POU2F2: variants seen among roughly 807,000 people sequenced by gnomAD.
POU2F2 encodes the protein POU domain, class 2, transcription factor 2.
In POU2F2, 14 loss-of-function variants were observed where a neutral mutation model predicts 63.5. The ratio of observed to expected loss-of-function variants is 0.22; its 90% CI spans 0.15 to 0.34. The LOEUF is 0.34. Ranked by LOEUF, POU2F2 falls within the 10% of genes least tolerant of loss-of-function variation. The probability of loss-of-function intolerance (pLI) is 1.00; values close to 1 mark genes in which losing one functional copy is unlikely to be tolerated. For synonymous variants in POU2F2, 306 were observed against 348.6 expected (o/e 0.88, Z 1.36); for missense variants, 607 against 815.2 (o/e 0.74, Z 3.11).
intron 1 of POU2F2, among the ~76,000 whole-genome samples, chr19:42,189,679 G>A (rs575966763): frequency 5.9e-5 from 9 of 152,184 alleles, no homozygotes; most frequent in Non-Finnish European, 8.8e-5. Context: ...GGACAAGCAC[G>A]AGGGGAGCAT....
chr19:42,160,893 G>A (rs1031803470), intron 1 of POU2F2, among the ~76,000 whole-genome samples: 2 of 152,202 alleles, frequency 1.3e-5, no homozygotes, highest in Non-Finnish European at 2.9e-5. Context: ...TATGTGCTCT[G>A]GGGAGATTAA....
chr19:42,118,977 A>G (rs759106973), intron 4 of POU2F2, among the ~76,000 whole-genome samples: 10 of 152,198 alleles, frequency 6.6e-5, no homozygotes, highest in Admixed American at 1.3e-4. Flanking sequence ...ATTATGGAAT[A>G]TAAGTATTAG....
At chr19:42,141,390 G>A (rs1346642998) in intron 2 of POU2F2, among the ~76,000 whole-genome samples, 1 of 152,086 alleles carries the variant, frequency 6.6e-6, no homozygotes, top group Admixed American at 6.5e-5. Flanking sequence ...GTGACCCTGG[G>A]CAGGTGACTT....
rs367902868 is a variant in POU2F2, at chr19:42,174,534, CAT to C, written c.-70+1427_-70+1428del. ...AAATATGCACTGACTCCCTTCTGCA[CAT>C]ATGTCACCCATGATGGGGACCCCCA... is the stretch of plus-strand genomic sequence containing the variant. On this transcript the variant is annotated intron_variant, in intron 1 of 6. Coordinates refer to the POU2F2 transcript ENST00000524801. Among the ~76,000 whole-genome samples the C allele has an allele frequency of 3.6e-3, 545 of 152,278 alleles. 4 individuals are homozygous for C. The highest frequency in any genetic ancestry group is 6.8e-3 in the Middle Eastern group (2 of 294).
intron 2 of POU2F2, among the ~76,000 whole-genome samples, chr19:42,158,753 G>A (rs1033983293): frequency 6.6e-6 from 1 of 152,160 alleles, no homozygotes; most frequent in Non-Finnish European, 1.5e-5. Flanking sequence ...AGACCTAACA[G>A]TGACCTCTAC....
rs574291119 is a variant in POU2F2, at chr19:42,149,938, G to A, written c.-9+10394C>T. On this transcript the variant is annotated intron_variant, in intron 2 of 6. Transcript: ENST00000524801. The stretch of plus-strand genomic sequence containing the variant: ...ACCCAGCTGCCTCCCAAAGAAAAGG[G>A]CCAAGTTCAGTGTGGAAGGGGCAGA... 3.9e-5 allele frequency among the ~76,000 whole-genome samples: 6 copies of A among 152,276 alleles called. No homozygotes were observed. The East Asian group carries it at 1.2e-3, about 29-fold the overall frequency.
At chr19:42,130,209 A>G (rs2033587076) in intron 1 of POU2F2, among the ~76,000 whole-genome samples, 1 of 152,126 alleles carries the variant, frequency 6.6e-6, no homozygotes, top group East Asian at 1.9e-4. Context: ...AGACATGTGT[A>G]CGCACACATG....
intron 1 of POU2F2, among the ~76,000 whole-genome samples, chr19:42,170,429 A>C (rs1599709771): frequency 1.5e-5 from 2 of 132,780 alleles, no homozygotes; most frequent in Admixed American, 7.6e-5. Flanking sequence ...ACCCAACGCC[A>C]AAAAAAAAAA....
chr19:42,112,308 G>A (rs2031231820), intron 5 of POU2F2, among the ~76,000 whole-genome samples: 1 of 152,210 alleles, frequency 6.6e-6, no homozygotes, highest in South Asian at 2.1e-4. Flanking sequence ...GTCCAGGTAG[G>A]GCTGACCTTG....
At position 42,088,681 on chromosome 19, in the gene POU2F2, G is replaced by A. The variant is rs1431340334; in HGVS notation, c.*2576C>T. 6.6e-6 allele frequency: 1 copy of A among 152,382 alleles called. No individual in the cohort carries two copies. The highest frequency in any genetic ancestry group is 1.5e-5 in the Non-Finnish European group (1 of 68,006). The allele number at this position is 152,382 out of a possible 1,614,324, so 9.4% of individuals were successfully genotyped here. A position where few individuals can be genotyped will look rare whatever the true frequency, so the allele number is the denominator to read the frequency against. On this transcript the variant is annotated 3_prime_UTR_variant, in exon 15 of 15. Coordinates refer to ENST00000692977, the MANE Select transcript of POU2F2 (RefSeq NM_001394376.1). ...CCCTTGGCCCCCTCTCCACCCTTGG[G>A]CTGGGGCCCAAGCCCTCTTGCCAGT...
At chr19:42,138,049 G>C (rs2034053765) in intron 2 of POU2F2, among the ~76,000 whole-genome samples, 1 of 152,194 alleles carries the variant, frequency 6.6e-6, no homozygotes, top group Non-Finnish European at 1.5e-5. Context: ...GGGACTTCAA[G>C]AACAGTGGGA....
Position 42,097,140 on chromosome 19 carries a change from C to T in POU2F2, c.568-897G>A, listed in dbSNP as rs1265558951. ...GTACAGGGATGTTTGTCGCTCAGGT[C>T]CTTTATCCATTATTCTCCAAAATGC... is the stretch of plus-strand genomic sequence containing the variant. On this transcript the variant is annotated intron_variant, in intron 7 of 14. Transcript: ENST00000692977. 6.0e-5 allele frequency among the ~76,000 whole-genome samples: 9 copies of T among 151,054 alleles called. No homozygotes were observed. The East Asian group carries it at 1.2e-3, about 20-fold the overall frequency.
At chr19:42,180,813 A>G (rs933780691), upstream of POU2F2, among the ~76,000 whole-genome samples, 4 of 151,846 alleles carry the variant, frequency 2.6e-5, no homozygotes, top group Admixed American at 2.6e-4. Context: ...TGTAGCCTCA[A>G]ACTCCTGGGC....
At chr19:42,141,928 T>G (rs980525256) in intron 2 of POU2F2, among the ~76,000 whole-genome samples, 2 of 152,192 alleles carry the variant, frequency 1.3e-5, no homozygotes, top group African/African-American at 4.8e-5. Flanking sequence ...TTATAATACA[T>G]TCATACTCAG....
At chr19:42,116,485 G>C (rs1170590600) in intron 5 of POU2F2, among the ~76,000 whole-genome samples, 1 of 152,120 alleles carries the variant, frequency 6.6e-6, no homozygotes, top group Non-Finnish European at 1.5e-5. Context: ...CACCACCAGA[G>C]GGAGGATTAT....
Position 42,146,652 on chromosome 19 carries a change from G to C in POU2F2, c.-9+13680C>G, listed in dbSNP as rs535777849. 2.3e-4 allele frequency among the ~76,000 whole-genome samples: 12 copies of C among 51,580 alleles called. No individual in the cohort carries two copies. In the African/African-American group the frequency reaches 3.0e-3, roughly 13 times the overall value. 33.8% of individuals were successfully genotyped at this position (51,580 alleles called of 152,430 possible). A position where few individuals can be genotyped will look rare whatever the true frequency, so the allele number is the denominator to read the frequency against. The stretch of plus-strand genomic sequence containing the variant: ...TCACCTCCTCTGTGGAGTCTCCTAA[G>C]GGAAGGCCCCCCCATTCACATCTGT... On this transcript the variant is annotated intron_variant, in intron 2 of 6. Transcript: ENST00000524801.
upstream of POU2F2, chr19:42,177,184 C>A: frequency 6.6e-6 from 1 of 152,568 alleles, no homozygotes; most frequent in South Asian, 1.9e-4. Flanking sequence ...CCGCTGTCTT[C>A]GCCATGCGCG....
chr19:42,190,562 G>A (rs541644641), intron 1 of POU2F2, among the ~76,000 whole-genome samples: 53 of 152,148 alleles, frequency 3.5e-4, no homozygotes, highest in Non-Finnish European at 6.3e-4. Flanking sequence ...AGAAGGCTGG[G>A]GGTATAAGGG....
chr19:42,140,252 G>T (rs771969021), intron 2 of POU2F2, among the ~76,000 whole-genome samples: 1 of 151,910 alleles, frequency 6.6e-6, no homozygotes, highest in Non-Finnish European at 1.5e-5. Context: ...GCCCACATGC[G>T]CACTTCCTGT....
Sources: gnomAD v4.1 joint callset for allele counts (sites outside exome capture counted in the v4.1 genomes callset) on GRCh38, gnomAD v4.1.1 for gene constraint, MANE v1.5 for transcripts, NCBI Gene and HGNC (gene_info 2026-07-23, HGNC 2026-07-21) for gene names.